The following SSTR3 variants were observed in gnomAD, a reference collection of about 807,000 sequenced individuals.
SSTR3 encodes somatostatin receptor 3.
For synonymous variants in SSTR3, 281 were observed against 269.2 expected (o/e 1.04, Z -0.43); for missense variants, 504 against 604.7 (o/e 0.83, Z 1.75).
At chr22:37,211,302 G>A (rs1430547337) in intron 1 of SSTR3, among the ~76,000 whole-genome samples, 1 of 152,176 alleles carries the variant, frequency 6.6e-6, no homozygotes, top group African/African-American at 2.4e-5. Context: ...GGCACCCCAG[G>A]CCTGGGGCCT....
At position 37,207,033 on chromosome 22, in the gene SSTR3, G is replaced by A. The variant is rs996284123; in HGVS notation, c.771C>T (p.Arg257=). ...RRRRSERRVT[R]MVVAVVALFV... is the part of the protein sequence containing the mutation. Reference sequence around the variant, plus strand: ...AGAGCGCCACCACGGCCACCACCATGCGCGTGACCCTGCGTTCGGAGCGCC... The same window carrying A: ...AGAGCGCCACCACGGCCACCACCATACGCGTGACCCTGCGTTCGGAGCGCC... Residue 257 remains arginine (R), a synonymous_variant, in exon 2 of 2, where the codon CGC becomes CGT. Transcript: ENST00000610913. The A allele has an allele frequency of 5.0e-6, 8 of 1,612,826 alleles. No homozygotes were observed. The Admixed American group carries it at 8.3e-5, about 17-fold the overall frequency.
Position 37,207,609 on chromosome 22 carries a change from G to T in SSTR3, c.195C>A (p.Val65=). The T allele has an allele frequency of 6.2e-7, 1 of 1,607,412 alleles. No homozygotes were observed. Among genetic ancestry groups the T allele is most frequent in the South Asian group, 1.1e-5 (1 of 90,758 alleles). The change falls in exon 2 of 2, where the codon GTC becomes GTA. Residue 65 remains valine (V), a synonymous_variant. Transcript: ENST00000610913. ...CVVGLLGNSL[V]IYVVLRHTAS... ...CCGTGTGCCGCAGGACCACATAGAT[G>T]ACCAGCGAGTTACCCAGCAGGCCCA...
intron 1 of SSTR3, among the ~76,000 whole-genome samples, chr22:37,210,183 C>T (rs1926106476): frequency 1.3e-5 from 2 of 152,342 alleles, no homozygotes; most frequent in Middle Eastern, 3.4e-3. Context: ...AGGGGAGCAC[C>T]AGGCTCCTGA....
rs1159089021 is a variant in SSTR3, at chr22:37,206,086, C to T, written c.*461G>A. 1.3e-5 allele frequency: 2 copies of T among 157,304 alleles called. No homozygotes were observed. The highest frequency in any genetic ancestry group is 4.8e-5 in the African/African-American group (2 of 41,568). The allele number at this position is 157,304 out of a possible 1,614,324, so 9.7% of individuals were successfully genotyped here. A position where few individuals can be genotyped will look rare whatever the true frequency, so the allele number is the denominator to read the frequency against. On this transcript the variant is annotated 3_prime_UTR_variant, in exon 2 of 2. Transcript: ENST00000610913. ...CCTGACCATTTCTGCCCCACTCCTCCCACCGGGTTAGGCTTTCTTCTGTTT... is the reference window on the plus strand; with the variant it reads ...CCTGACCATTTCTGCCCCACTCCTCTCACCGGGTTAGGCTTTCTTCTGTTT...
intron 1 of SSTR3, chr22:37,210,684 G>C: frequency 1.0e-6 from 1 of 985,470 alleles, no homozygotes; most frequent in Non-Finnish European, 1.2e-6. Flanking sequence ...CGGACTCCTT[G>C]GAGGACTGTT....
At position 37,208,423 on chromosome 22, in the gene SSTR3, C is replaced by T. The variant is rs1022817996; in HGVS notation, c.-36-584G>A. On this transcript the variant is annotated intron_variant, in intron 1 of 1. Coordinates refer to ENST00000610913, the MANE Select transcript of SSTR3 (RefSeq NM_001051.5). ...GTCCCCTCCCCTGGGAGTCAGAGTC[C>T]TTAGGTGCCCCCTCAGCCTGGGCCA... Among the ~76,000 whole-genome samples, 14 of 152,264 alleles carry T rather than the reference C, an allele frequency of 9.2e-5. No homozygotes were observed. The East Asian group carries it at 2.5e-3, about 27-fold the overall frequency.
rs553475340 is a variant in SSTR3 at position 37,204,680 on chromosome 22, T to C, written c.*1867A>G. 1 of 152,312 alleles carries C rather than the reference T, an allele frequency of 6.6e-6. No individual in the cohort carries two copies. The highest frequency in any genetic ancestry group is 1.5e-5 in the Non-Finnish European group (1 of 68,064). The allele number at this position is 152,312 out of a possible 1,614,324, so 9.4% of individuals were successfully genotyped here. On this transcript the variant is annotated 3_prime_UTR_variant, in exon 2 of 2. Transcript: ENST00000610913. ...GGGGGTGAGGAGGGCACCCCCACTT[T>C]ATAATCTGATACACCCCACCGTACC...
Position 37,204,248 on chromosome 22 carries a change from C to T in SSTR3, c.*2299G>A, listed in dbSNP as rs1022724957. On this transcript the variant is annotated 3_prime_UTR_variant, in exon 2 of 2. Coordinates refer to ENST00000610913, the MANE Select transcript of SSTR3 (RefSeq NM_001051.5). The stretch of plus-strand genomic sequence containing the variant: ...GGCCACAGCTGTTATCAGGTGTCAC[C>T]GTCTTTATTGACAAGAGCTAGAGAC... 1 of 152,394 alleles carries T rather than the reference C, an allele frequency of 6.6e-6. No homozygotes were observed. Among genetic ancestry groups the T allele is most frequent in the South Asian group, 2.1e-4 (1 of 4,834 alleles). The allele number at this position is 152,394 out of a possible 1,614,324, so 9.4% of individuals were successfully genotyped here.
intron 1 of SSTR3, among the ~76,000 whole-genome samples, chr22:37,210,095 G>T (rs2145805145): frequency 6.6e-6 from 1 of 152,314 alleles, no homozygotes; most frequent in South Asian, 2.1e-4. Context: ...CATCCACCTT[G>T]CTGCCCTGTG....
In SSTR3 at chr22:37,206,530, TG is replaced by T; in HGVS notation, c.*16del. On this transcript the variant is annotated 3_prime_UTR_variant, in exon 2 of 2. Transcript: ENST00000610913. ...CTTCTGCCTCTTCCTCGGGCCATCC[TG>T]GCTTTCCCCAGGCCCCTACAGGTAG... 4 of 1,583,426 alleles carry T rather than the reference TG, an allele frequency of 2.5e-6. No homozygotes were observed. The highest frequency in any genetic ancestry group is 3.4e-6 in the Non-Finnish European group (4 of 1,163,068).
At chr22:37,211,257 C>A (rs1228449216) in intron 1 of SSTR3, among the ~76,000 whole-genome samples, 1 of 152,210 alleles carries the variant, frequency 6.6e-6, no homozygotes, top group Admixed American at 6.5e-5. Context: ...CCCAAAGACA[C>A]CTGGCTTATG....
Position 37,207,634 on chromosome 22 carries a change from A to G in SSTR3, c.170T>C (p.Val57Ala), listed in dbSNP as rs1271244804. The G allele has an allele frequency of 1.9e-6, 3 of 1,600,200 alleles. No individual in the cohort carries two copies. In the South Asian group the frequency reaches 3.3e-5, roughly 18 times the overall value. The change falls in exon 2 of 2, where the codon GTG (valine) becomes GCG (alanine). Residue 57 changes from valine to alanine, a missense_variant. Transcript: ENST00000610913. ...GACCAGCGAGTTACCCAGCAGGCCC[A>G]CCACGCACACCACCAGGTAGACCAG... ...IPLVYLVVCV[V>A]GLLGNSLVIY...
chr22:37,217,714 G>A, the SSTR3 span, among the ~76,000 whole-genome samples: 2 of 132,522 alleles, frequency 1.5e-5, no homozygotes, highest in Non-Finnish European at 3.6e-5. Context: ...TGTTTTTTGA[G>A]ACAGACAGTC....
the SSTR3 span, among the ~76,000 whole-genome samples, chr22:37,217,626 C>CT: frequency 3.1e-4 from 47 of 152,210 alleles, no homozygotes; most frequent in African/African-American, 1.0e-3. Context: ...TCCAGTCCCT[C>CT]TTTTTTTAAA....
rs1246847616 is a variant in SSTR3 at position 37,212,264 on chromosome 22, G to C, written c.-476C>G. The C allele has an allele frequency of 1.9e-5, 8 of 422,534 alleles. No homozygotes were observed. Among genetic ancestry groups the C allele is most frequent in the Middle Eastern group, 1.2e-3 (1 of 854 alleles). 26.2% of individuals were successfully genotyped at this position (422,534 alleles called of 1,614,324 possible). ...GAGAGAGAGAGGGAGAGGGAGAGGA[G>C]ACCGTGAGTAGGAGGAAAGGCAGAA... On this transcript the variant is annotated 5_prime_UTR_variant, in exon 1 of 2. Transcript: ENST00000610913.
At chr22:37,211,294 C>A (rs1026854942) in intron 1 of SSTR3, among the ~76,000 whole-genome samples, 10 of 152,198 alleles carry the variant, frequency 6.6e-5, no homozygotes, top group African/African-American at 1.9e-4. Context: ...GACTCACTGG[C>A]ACCCCAGGCC....
chr22:37,206,584 C>G lies in SSTR3; in HGVS notation c.1220G>C (p.Gly407Ala). The G allele has an allele frequency of 6.2e-7, 1 of 1,612,172 alleles. No individual in the cohort carries two copies. The highest frequency in any genetic ancestry group is 2.2e-5 in the East Asian group (1 of 44,884). ...QQLLPQEAST[G>A]EKSSTMRISY... ...GATGCGCATCGTGCTGGACTTCTCCCCAGTGGAAGCCTCTTGGGGTAGGAG... is the reference window on the plus strand; with the variant it reads ...GATGCGCATCGTGCTGGACTTCTCCGCAGTGGAAGCCTCTTGGGGTAGGAG... Residue 407 changes from glycine (G) to alanine (A), a missense_variant, in exon 2 of 2, where the codon GGG becomes GCG. Coordinates refer to ENST00000610913, the MANE Select transcript of SSTR3 (RefSeq NM_001051.5).
intron 1 of SSTR3, chr22:37,210,841 G>A (rs554979980): frequency 1.0e-6 from 1 of 985,450 alleles, no homozygotes; most frequent in Admixed American, 6.1e-5. Flanking sequence ...GGCCCTGAAT[G>A]ATTTATTTCT....
the SSTR3 span, among the ~76,000 whole-genome samples, chr22:37,220,346 A>C: frequency 6.6e-6 from 1 of 152,094 alleles, no homozygotes; most frequent in Non-Finnish European, 1.5e-5. Flanking sequence ...GCTAATAAAG[A>C]CATACCCCCA....
Sources: gnomAD v4.1 joint callset for allele counts (sites outside exome capture counted in the v4.1 genomes callset) on GRCh38, gnomAD v4.1.1 for gene constraint, MANE v1.5 for transcripts, NCBI Gene and HGNC (gene_info 2026-07-23, HGNC 2026-07-21) for gene names.